RALGAPA1: variants seen among roughly 807,000 people sequenced by gnomAD.
The protein encoded by RALGAPA1 is Ral GTPase activating protein catalytic subunit alpha 1.
A neutral mutation model predicts 269.6 loss-of-function variants in RALGAPA1; 52 were observed. That is an observed-to-expected ratio of 0.19 (90% CI 0.15 to 0.24). The LOEUF (loss-of-function observed/expected upper bound fraction) is 0.24. Ranked by LOEUF, RALGAPA1 falls within the 10% of genes least tolerant of loss-of-function variation. RALGAPA1 has a pLI of 1.00. For missense variants in RALGAPA1, 1,917 were observed against 3,013.9 expected, an observed-to-expected ratio of 0.64 and a Z score of 8.52; for synonymous variants, 817 against 1,008.3, an observed-to-expected ratio of 0.81 and a Z score of 3.60.
chr14:35,701,183 C>T (rs1296169634), intron 16 of RALGAPA1, among the ~76,000 whole-genome samples: 1 of 152,086 alleles, frequency 6.6e-6, no homozygotes. Flanking sequence ...CAAGTTTACT[C>T]TTCCCAGAGA....
intron 39 of RALGAPA1, among the ~76,000 whole-genome samples, chr14:35,561,004 T>G (rs1272937970): frequency 6.6e-6 from 1 of 151,664 alleles, no homozygotes; most frequent in Non-Finnish European, 1.5e-5. Flanking sequence ...CCGAGGCAGA[T>G]GGATCACGAG....
chr14:35,557,634 G>A (rs1031053389), intron 39 of RALGAPA1, among the ~76,000 whole-genome samples: 3 of 152,114 alleles, frequency 2.0e-5, no homozygotes, highest in African/African-American at 7.2e-5. Context: ...GCAGTAAAAG[G>A]AAGAATGGGC....
At chr14:35,612,722 T>C (rs1445535456) in intron 35 of RALGAPA1, among the ~76,000 whole-genome samples, 2 of 151,970 alleles carry the variant, frequency 1.3e-5, no homozygotes, top group Non-Finnish European at 2.9e-5. Flanking sequence ...GTATTTTTAG[T>C]AGAGATGGGG....
rs576368729 is a variant in RALGAPA1 at position 35,674,145 on chromosome 14, A to G, written c.4917+35T>C. 2.0e-5 allele frequency: 29 copies of G among 1,454,180 alleles called. No homozygotes were observed. The South Asian group carries it at 3.2e-4, about 16-fold the overall frequency. 90.1% of individuals were successfully genotyped at this position (1,454,180 alleles called of 1,614,324 possible). A position where few individuals can be genotyped will look rare whatever the true frequency, so the allele number is the denominator to read the frequency against. The stretch of plus-strand genomic sequence containing the variant: ...AAAAGTTTAAGATTTAGTAAATGAG[A>G]AGTTTTAAACTAATATTTTATATAT... On this transcript the variant is annotated intron_variant, in intron 24 of 41. Transcript: ENST00000680220.
At position 35,728,487 on chromosome 14, in the gene RALGAPA1, A is replaced by G; in HGVS notation, c.1611T>C (p.Asn537=). ...VLQVFIINSS[N]IFLLEPANEI... The stretch of plus-strand genomic sequence containing the variant: ...CATTTGCAGGTTCAAGAAGAAATAT[A>G]TTTGATGAGTTTATAATAAACACCT... Residue 537 remains asparagine (N), a synonymous_variant, in exon 13 of 42, where the codon AAT becomes AAC. Coordinates refer to ENST00000680220, the MANE Select transcript of RALGAPA1 (RefSeq NM_001346249.2). 1 of 1,603,988 alleles carries G rather than the reference A, an allele frequency of 6.2e-7. No homozygotes were observed. The highest frequency in any genetic ancestry group is 8.5e-7 in the Non-Finnish European group (1 of 1,176,736).
At chr14:35,771,121 C>T (rs1264108846) in intron 3 of RALGAPA1, 122 bp from the exon 4 acceptor site, 2 of 399,050 alleles carry the variant, frequency 5.0e-6, no homozygotes, top group Admixed American at 4.6e-5. Context: ...AGGCCGGGCA[C>T]GGTGGCTCAC....
intron 39 of RALGAPA1, among the ~76,000 whole-genome samples, chr14:35,569,561 G>A (rs2139426491): frequency 6.6e-6 from 1 of 152,238 alleles, no homozygotes; most frequent in South Asian, 2.1e-4. Flanking sequence ...AGAAAGCATG[G>A]CCAGCATTTG....
At chr14:35,701,367 C>T (rs1172099340) in intron 16 of RALGAPA1, among the ~76,000 whole-genome samples, 1 of 152,180 alleles carries the variant, frequency 6.6e-6, no homozygotes, top group Admixed American at 6.5e-5. Flanking sequence ...TCCTTGATTA[C>T]TGGACAGACT....
At chr14:35,760,118 A>G (rs1348724105) in intron 6 of RALGAPA1, among the ~76,000 whole-genome samples, 3 of 152,166 alleles carry the variant, frequency 2.0e-5, no homozygotes, top group South Asian at 2.1e-4. Flanking sequence ...TTGTACTTCA[A>G]TGTACATCCA....
Position 35,808,991 on chromosome 14 carries a change from C to T in RALGAPA1, c.-156G>A, listed in dbSNP as rs1423007413. 7.1e-7 allele frequency: 1 copy of T among 1,403,358 alleles called. No homozygotes were observed. The highest frequency in any genetic ancestry group is 2.9e-5 in the Admixed American group (1 of 35,072). The allele number at this position is 1,403,358 out of a possible 1,614,324, so 86.9% of individuals were successfully genotyped here. A position where few individuals can be genotyped will look rare whatever the true frequency, so the allele number is the denominator to read the frequency against. On this transcript the variant is annotated 5_prime_UTR_variant, in exon 1 of 42. Coordinates refer to ENST00000680220, the MANE Select transcript of RALGAPA1 (RefSeq NM_001346249.2). ...AGGGCAGAGCCGACTCCTTCCCGATCCAGGCCAGGGCCGCCACCTCCACCC... is the reference window on the plus strand; with the variant it reads ...AGGGCAGAGCCGACTCCTTCCCGATTCAGGCCAGGGCCGCCACCTCCACCC...
At chr14:35,757,010 A>G in intron 6 of RALGAPA1, 102 bp from the exon 7 acceptor site, 3 of 1,029,162 alleles carry the variant, frequency 2.9e-6, no homozygotes, top group Non-Finnish European at 2.5e-6. Flanking sequence ...TGCAATGAAA[A>G]TTGCTTGAAA....
At chr14:35,709,944 G>A (rs757469275) in intron 16 of RALGAPA1, among the ~76,000 whole-genome samples, 26 of 152,152 alleles carry the variant, frequency 1.7e-4, no homozygotes, top group Non-Finnish European at 3.1e-4. Context: ...CATGTTTTAT[G>A]ACCCAGAATG....
At position 35,678,026 on chromosome 14, in the gene RALGAPA1, T is replaced by C. The variant is rs1348130168; in HGVS notation, c.4548A>G (p.Ile1516Met). 2.5e-6 allele frequency: 4 copies of C among 1,613,444 alleles called. No homozygotes were observed. The highest frequency in any genetic ancestry group is 3.4e-6 in the Non-Finnish European group (4 of 1,179,842). Residue 1516 changes from isoleucine to methionine, a missense_variant, in exon 22 of 42, where the codon ATA becomes ATG. By Grantham distance (10) the Ile-to-Met change is conservative. Around this residue, in one of 11 missense-constraint regions of RALGAPA1, gnomAD observed 615 missense variants for 790.0 expected, o/e 0.78. Transcript: ENST00000680220. The stretch of plus-strand genomic sequence containing the variant: ...GCAGATCCTTCTGTTCCATGTGATC[T>C]ATATTCAATGTAGAAGGGGAAGGAG... ...SQTPSPSTLN[I>M]DHMEQKDLQL...
chr14:35,742,763 TAAAA>T (rs199500409), intron 10 of RALGAPA1, among the ~76,000 whole-genome samples, 198 bp from the exon 11 acceptor site: 1 of 128,722 alleles, frequency 7.8e-6, no homozygotes, highest in African/African-American at 2.8e-5. Context: ...ATATTTCTAG[TAAAA>T]AAAAAAAAAA....
At chr14:35,589,908 G>A (rs186040928) in intron 37 of RALGAPA1, among the ~76,000 whole-genome samples, 9 of 152,180 alleles carry the variant, frequency 5.9e-5, no homozygotes, top group Admixed American at 4.6e-4. Flanking sequence ...TACCCAGACT[G>A]ATATCGAACT....
At chr14:35,629,716 G>A (rs1278329499) in intron 33 of RALGAPA1, among the ~76,000 whole-genome samples, 1 of 152,124 alleles carries the variant, frequency 6.6e-6, no homozygotes, top group East Asian at 1.9e-4. Flanking sequence ...GGCCAGGCTG[G>A]TCTTGAACTC....
intron 16 of RALGAPA1, among the ~76,000 whole-genome samples, chr14:35,707,887 C>A (rs763839920): frequency 2.6e-5 from 4 of 151,836 alleles, no homozygotes; most frequent in African/African-American, 4.8e-5. Flanking sequence ...ATTCTTTTAT[C>A]AGTAAATAAA....
chr14:35,692,894 T>C (rs918300517), intron 17 of RALGAPA1, among the ~76,000 whole-genome samples: 1 of 151,980 alleles, frequency 6.6e-6, no homozygotes, highest in African/African-American at 2.4e-5. Flanking sequence ...AACTAAACTA[T>C]ATATAGTATT....
At chr14:35,755,771 C>T (rs553168566) in intron 7 of RALGAPA1, among the ~76,000 whole-genome samples, 17 of 152,132 alleles carry the variant, frequency 1.1e-4, no homozygotes, top group South Asian at 2.1e-4. Context: ...AATAGCCACA[C>T]TATTAGTAAA....
Sources: gnomAD v4.1 joint callset for allele counts (sites outside exome capture counted in the v4.1 genomes callset) on GRCh38, gnomAD v4.1.1 for gene constraint, gnomAD v4.1.1 regional missense constraint, MANE v1.5 for transcripts, NCBI Gene and HGNC (gene_info 2026-07-23, HGNC 2026-07-21) for gene names.